The following GPR158 variants were observed in gnomAD, a reference collection of about 807,000 sequenced individuals.
The protein encoded by GPR158 is metabotropic glycine receptor.
A neutral mutation model predicts 78.2 loss-of-function variants in GPR158; 30 were observed. The observed-to-expected ratio is 0.38, with a 90% CI of 0.29 to 0.52. The LOEUF (loss-of-function observed/expected upper bound fraction) is 0.52. Ranked by LOEUF, GPR158 falls within the 20% of genes least tolerant of loss-of-function variation. The probability of loss-of-function intolerance (pLI) is 0.83; values close to 1 mark genes in which losing one functional copy is unlikely to be tolerated. For synonymous variants in GPR158, 581 were observed against 591.1 expected, an observed-to-expected ratio of 0.98 and a Z score of 0.25; for missense variants, 1,463 against 1,523.5, an observed-to-expected ratio of 0.96 and a Z score of 0.66.
intron 2 of GPR158, among the ~76,000 whole-genome samples, chr10:25,348,033 G>A (rs1195552158): frequency 1.3e-5 from 2 of 151,926 alleles, no homozygotes; most frequent in Non-Finnish European, 2.9e-5. Context: ...TGTAGCATGT[G>A]CACGGCCTCT....
At position 25,599,684 on chromosome 10, in the gene GPR158, G is replaced by A. The variant is rs201398897; in HGVS notation, c.*410G>A. The A allele has an allele frequency of 3.1e-5, 5 of 161,088 alleles. No individual in the cohort carries two copies. Among genetic ancestry groups the A allele is most frequent in the Admixed American group, 1.8e-4 (3 of 16,722 alleles). The allele number at this position is 161,088 out of a possible 1,614,324, so 10.0% of individuals were successfully genotyped here. ...TAACTGAAATTCTAAGTAGCTGACCGAGAAGAACTTACTTTACCTATTTAA... is the reference window on the plus strand; with the variant it reads ...TAACTGAAATTCTAAGTAGCTGACCAAGAAGAACTTACTTTACCTATTTAA... On this transcript the variant is annotated 3_prime_UTR_variant, in exon 11 of 11. Transcript: ENST00000376351.
At chr10:25,238,871 C>T (rs1486725025) in intron 2 of GPR158, among the ~76,000 whole-genome samples, 1 of 152,200 alleles carries the variant, frequency 6.6e-6, no homozygotes, top group Non-Finnish European at 1.5e-5. Context: ...ACATATTTAG[C>T]TTCACACTTT....
intron 2 of GPR158, among the ~76,000 whole-genome samples, chr10:25,334,272 A>G (rs943413273): frequency 1.3e-5 from 2 of 152,126 alleles, no homozygotes; most frequent in African/African-American, 4.8e-5. Context: ...TTCACTTTGT[A>G]GCTAACAAAA....
At chr10:25,287,042 C>G (rs1854360299) in intron 2 of GPR158, among the ~76,000 whole-genome samples, 1 of 151,960 alleles carries the variant, frequency 6.6e-6, no homozygotes, top group East Asian at 1.9e-4. Flanking sequence ...TATTATAGTT[C>G]TAATTAAGCA....
At chr10:25,363,935 C>T (rs566767677) in intron 2 of GPR158, among the ~76,000 whole-genome samples, 1 of 140,166 alleles carries the variant, frequency 7.1e-6, no homozygotes, top group South Asian at 2.1e-4. Flanking sequence ...CCCTTGTCTT[C>T]TCTTCTACAA....
intron 2 of GPR158, among the ~76,000 whole-genome samples, chr10:25,358,349 T>A (rs2130529647): frequency 6.6e-6 from 1 of 152,100 alleles, no homozygotes; most frequent in East Asian, 2.0e-4. Context: ...TATATGAGAT[T>A]TGGGAGAGGC....
chr10:25,512,342 T>C (rs913529704), intron 5 of GPR158, among the ~76,000 whole-genome samples: 1 of 152,144 alleles, frequency 6.6e-6, no homozygotes, highest in African/African-American at 2.4e-5. Context: ...TTGGTCACTG[T>C]TGGAATATAG....
chr10:25,367,055 T>G (rs2130542553), intron 2 of GPR158, among the ~76,000 whole-genome samples: 1 of 151,822 alleles, frequency 6.6e-6, no homozygotes, highest in South Asian at 2.1e-4. Context: ...TTAATGTATT[T>G]CTTTATATTT....
chr10:25,243,228 A>G (rs1451982625), intron 2 of GPR158, among the ~76,000 whole-genome samples: 1 of 152,212 alleles, frequency 6.6e-6, no homozygotes, highest in East Asian at 1.9e-4. Flanking sequence ...CATCTGGCCT[A>G]GAATGTTTCT....
At chr10:25,493,592 A>T (rs1835839927) in intron 5 of GPR158, among the ~76,000 whole-genome samples, 1 of 152,210 alleles carries the variant, frequency 6.6e-6, no homozygotes, top group Admixed American at 6.5e-5. Context: ...TTAGATGGAT[A>T]AACAGAGCAG....
chr10:25,295,812 C>T (rs1047515883), intron 2 of GPR158, among the ~76,000 whole-genome samples: 4 of 152,084 alleles, frequency 2.6e-5, no homozygotes, highest in Non-Finnish European at 5.9e-5. Flanking sequence ...TATCTCCAGA[C>T]GGAGAACATT....
intron 1 of GPR158, among the ~76,000 whole-genome samples, chr10:25,186,838 G>A (rs200772759): frequency 2.6e-5 from 4 of 151,696 alleles, no homozygotes; most frequent in African/African-American, 4.8e-5. Context: ...ATTCCAATCA[G>A]TAGAAAAAGA....
chr10:25,509,738 G>A (rs754657290), intron 5 of GPR158, among the ~76,000 whole-genome samples: 17 of 151,930 alleles, frequency 1.1e-4, no homozygotes, highest in African/African-American at 3.4e-4. Context: ...ATTTTTCGAC[G>A]CAGAATCTCG....
intron 6 of GPR158, among the ~76,000 whole-genome samples, chr10:25,569,163 G>A (rs1036273485): frequency 2.6e-5 from 4 of 152,044 alleles, no homozygotes; most frequent in African/African-American, 9.7e-5. Flanking sequence ...ATTTTGCTTT[G>A]GTTTTGCTCT....
intron 2 of GPR158, among the ~76,000 whole-genome samples, chr10:25,249,682 A>C (rs1018514945): frequency 2.6e-5 from 4 of 151,688 alleles, no homozygotes; most frequent in African/African-American, 7.3e-5. Flanking sequence ...ATGGTGGATA[A>C]GCTTTTTGAT....
At chr10:25,377,201 C>A (rs770082659) in intron 2 of GPR158, among the ~76,000 whole-genome samples, 5 of 151,702 alleles carry the variant, frequency 3.3e-5, no homozygotes, top group Non-Finnish European at 7.4e-5. Context: ...CTATTGTTCC[C>A]ATGTTCTTTT....
At chr10:25,287,754 GCT>G (rs1854373434) in intron 2 of GPR158, among the ~76,000 whole-genome samples, 1 of 152,104 alleles carries the variant, frequency 6.6e-6, no homozygotes, top group Non-Finnish European at 1.5e-5. Context: ...TACCACCTCA[GCT>G]CTCTGAGGAT....
chr10:25,327,546 C>G (rs1225928485), intron 2 of GPR158, among the ~76,000 whole-genome samples: 2 of 83,340 alleles, frequency 2.4e-5, no homozygotes, highest in Non-Finnish European at 5.2e-5. Flanking sequence ...TTTCTCAGCT[C>G]TCACGTGAGA....
At chr10:25,190,558 C>T (rs1051968914) in intron 1 of GPR158, among the ~76,000 whole-genome samples, 11 of 152,064 alleles carry the variant, frequency 7.2e-5, no homozygotes, top group African/African-American at 1.7e-4. Context: ...GTTGAACTCC[C>T]GGGCTCAAGC....
Sources: allele counts gnomAD v4.1 joint callset (sites outside exome capture counted in the v4.1 genomes callset), GRCh38; gene constraint gnomAD v4.1.1; transcripts MANE v1.5; gene names NCBI Gene and HGNC (gene_info 2026-07-23, HGNC 2026-07-21).